The following ADCY2 variants were observed in gnomAD, a reference collection of about 807,000 sequenced individuals.
The protein encoded by ADCY2 is adenylate cyclase type 2.
In ADCY2, 31 loss-of-function variants were observed where a neutral mutation model predicts 125.2. That is an observed-to-expected ratio of 0.25 (90% CI 0.19 to 0.33). The LOEUF (loss-of-function observed/expected upper bound fraction) is 0.33. ADCY2 is among the 10% of genes least tolerant of loss of function. ADCY2 has a pLI of 1.00. For synonymous variants in ADCY2, 512 were observed against 548.4 expected, an observed-to-expected ratio of 0.93 and a Z score of 0.93; for missense variants, 904 against 1,418.2, an observed-to-expected ratio of 0.64 and a Z score of 5.82.
intron 2 of ADCY2, among the ~76,000 whole-genome samples, chr5:7,500,067 A>G (rs1743506094): frequency 1.3e-5 from 2 of 152,012 alleles, no homozygotes; most frequent in African/African-American, 4.8e-5. Flanking sequence ...TTATTGTGGG[A>G]TTATTTGTGT....
chr5:7,619,058 G>T (rs1737863846), intron 3 of ADCY2, among the ~76,000 whole-genome samples: 1 of 152,130 alleles, frequency 6.6e-6, no homozygotes, highest in Non-Finnish European at 1.5e-5. Flanking sequence ...AAATACGCAG[G>T]TCAAACATCT....
chr5:7,523,852 C>G (rs1579534599), intron 3 of ADCY2, among the ~76,000 whole-genome samples: 2 of 152,176 alleles, frequency 1.3e-5, no homozygotes, highest in East Asian at 1.9e-4. Context: ...TGCCCGCAAA[C>G]TATAGTCAAT....
chr5:7,792,511 G>A (rs1181573778), intron 20 of ADCY2, among the ~76,000 whole-genome samples: 1 of 152,166 alleles, frequency 6.6e-6, no homozygotes, highest in Admixed American at 6.5e-5. Context: ...GGTCTGTGGG[G>A]AGCACAGAAG....
intron 2 of ADCY2, among the ~76,000 whole-genome samples, chr5:7,453,885 C>G (rs149516158): frequency 6.6e-6 from 1 of 152,152 alleles, no homozygotes; most frequent in African/African-American, 2.4e-5. Context: ...GGTCATATAC[C>G]AGTTAAACTC....
At chr5:7,713,709 C>T (rs774867935) in intron 11 of ADCY2, among the ~76,000 whole-genome samples, 22 of 152,050 alleles carry the variant, frequency 1.4e-4, no homozygotes, top group African/African-American at 1.9e-4. Flanking sequence ...CTCTATCTTT[C>T]GGGCACAGAG....
intron 4 of ADCY2, among the ~76,000 whole-genome samples, chr5:7,674,572 T>C (rs923495529): frequency 5.3e-5 from 8 of 152,238 alleles, no homozygotes; most frequent in Non-Finnish European, 7.3e-5. Context: ...TAAAACACTT[T>C]CTGTGTTTCC....
chr5:7,396,611 A>T lies in ADCY2; in HGVS notation c.210+105A>T, dbSNP rs1424618784. 1.4e-5 allele frequency: 8 copies of T among 591,292 alleles called. No homozygotes were observed. The highest frequency in any genetic ancestry group is 1.9e-5 in the Non-Finnish European group (8 of 428,936). The allele number at this position is 591,292 out of a possible 1,614,324, so 36.6% of individuals were successfully genotyped here. On this transcript the variant is annotated intron_variant, in intron 1 of 24. Transcript: ENST00000338316. The surrounding 1 kb of genome is among the most constrained non-coding windows in gnomAD (Gnocchi z 5.7). ...TCCGGGCTGCCCCTCGGCCCGCGGC[A>T]GCCCCTCGGCCCGCGGCAGCCCCTC...
rs117901767 is a variant in ADCY2, at chr5:7,459,035, G to T, written c.408+44265G>T. On this transcript the variant is annotated intron_variant, in intron 2 of 24. Transcript: ENST00000338316. ...TCATGAAGATGCGTTTTTCACTCAG[G>T]TCTGTGCGTTGGCTGGGATTTGGTG... 2.6e-5 allele frequency among the ~76,000 whole-genome samples: 4 copies of T among 152,230 alleles called. No homozygotes were observed. In the East Asian group the frequency reaches 5.8e-4, roughly 22 times the overall value.
chr5:7,524,446 C>T (rs748940662), intron 3 of ADCY2, among the ~76,000 whole-genome samples: 5 of 152,080 alleles, frequency 3.3e-5, no homozygotes, highest in South Asian at 4.2e-4. Flanking sequence ...ATCTGATGCC[C>T]GGACCCTGTT....
chr5:7,748,277 G>A (rs1044739912), intron 15 of ADCY2, among the ~76,000 whole-genome samples: 4 of 152,088 alleles, frequency 2.6e-5, no homozygotes, highest in Admixed American at 1.3e-4. Flanking sequence ...GGTGGCCTTC[G>A]TCACACTGCA....
chr5:7,736,176 C>A (rs530405061), intron 14 of ADCY2, among the ~76,000 whole-genome samples: 31 of 152,090 alleles, frequency 2.0e-4, no homozygotes, highest in Non-Finnish European at 3.4e-4. Flanking sequence ...GCTGTGATTG[C>A]ACCACTGCAC....
chr5:7,783,243 G>T (rs1342454666), intron 18 of ADCY2, among the ~76,000 whole-genome samples: 6 of 151,992 alleles, frequency 3.9e-5, no homozygotes, highest in African/African-American at 1.5e-4. Context: ...TTATCATTCT[G>T]TAATTAATGT....
At chr5:7,422,657 G>A (rs943998558) in intron 2 of ADCY2, among the ~76,000 whole-genome samples, 4 of 152,184 alleles carry the variant, frequency 2.6e-5, no homozygotes, top group Non-Finnish European at 5.9e-5. Flanking sequence ...TTACAGATTT[G>A]TTAAATTACC....
chr5:7,420,202 G>A (rs1740139917), intron 2 of ADCY2, among the ~76,000 whole-genome samples: 2 of 152,172 alleles, frequency 1.3e-5, no homozygotes, highest in African/African-American at 4.8e-5. Flanking sequence ...AAAGAATTAT[G>A]CAGCCCAGTT....
At chr5:7,555,273 AC>A (rs1219864318) in intron 3 of ADCY2, among the ~76,000 whole-genome samples, 1 of 152,210 alleles carries the variant, frequency 6.6e-6, no homozygotes, top group Non-Finnish European at 1.5e-5. Context: ...CGTTCAGCAA[AC>A]ATCCATTGAA....
At chr5:7,603,809 T>TTTTTTTTTTTTTTTTTTTTC (rs1737308857) in intron 3 of ADCY2, among the ~76,000 whole-genome samples, 1 of 115,254 alleles carries the variant, frequency 8.7e-6, no homozygotes, top group African/African-American at 3.2e-5. Flanking sequence ...TTTTTTTTTT[T>TTTTTTTTTTTTTTTTTTTTC]CTTTTGTTTT....
chr5:7,720,572 T>C (rs1741727391), intron 12 of ADCY2, among the ~76,000 whole-genome samples: 1 of 147,022 alleles, frequency 6.8e-6, no homozygotes, highest in African/African-American at 2.5e-5. Flanking sequence ...ACAGGCTCTG[T>C]TGTTTGATGT....
At chr5:7,491,943 C>T (rs1743178920) in intron 2 of ADCY2, among the ~76,000 whole-genome samples, 1 of 152,220 alleles carries the variant, frequency 6.6e-6, no homozygotes, top group African/African-American at 2.4e-5. Flanking sequence ...ACTAACTGAA[C>T]TTCCTGTGTG....
chr5:7,424,067 C>T (rs941933309), intron 2 of ADCY2, among the ~76,000 whole-genome samples: 3 of 152,200 alleles, frequency 2.0e-5, no homozygotes, highest in African/African-American at 7.2e-5. Flanking sequence ...TAACTTTGTA[C>T]AAATAAAAAT....
Sources: gnomAD v4.1 joint callset for allele counts (sites outside exome capture counted in the v4.1 genomes callset) on GRCh38, gnomAD v4.1.1 for gene constraint, Gnocchi (gnomAD v3.1) non-coding constraint, MANE v1.5 for transcripts, NCBI Gene and HGNC (gene_info 2026-07-23, HGNC 2026-07-21) for gene names.